Variants in PRKCB observed in about 807,000 individuals in gnomAD.
The protein encoded by PRKCB is protein kinase C beta.
Under a neutral mutation model 81.5 loss-of-function variants are expected in PRKCB, and 13 were observed. The ratio of observed to expected loss-of-function variants is 0.16; its 90% confidence interval spans 0.10 to 0.25. The LOEUF (loss-of-function observed/expected upper bound fraction) is 0.25, where lower values mean the gene tolerates loss of function less well. PRKCB is among the 10% of genes least tolerant of loss of function. The pLI, the probability that PRKCB is intolerant of heterozygous loss-of-function variation, is 1.00. For missense variants in PRKCB, 509 were observed against 875.7 expected (o/e 0.58, Z 5.29); for synonymous variants, 335 against 321.4 (o/e 1.04, Z -0.45).
intron 3 of PRKCB, among the ~76,000 whole-genome samples, chr16:24,003,344 G>A (rs139926340): frequency 3.6e-4 from 54 of 151,392 alleles, no homozygotes; most frequent in African/African-American, 1.2e-3. Context: ...CCCATGGAAA[G>A]ATGGCAACCC....
At chr16:24,056,148 A>T (rs1965900368) in intron 5 of PRKCB, among the ~76,000 whole-genome samples, 1 of 152,220 alleles carries the variant, frequency 6.6e-6, no homozygotes, top group African/African-American at 2.4e-5. Context: ...GCCTTGCAGT[A>T]AGTGCACATC....
intron 2 of PRKCB, among the ~76,000 whole-genome samples, chr16:23,983,104 G>T (rs1281202921): frequency 6.8e-6 from 1 of 147,314 alleles, no homozygotes. Flanking sequence ...AGTAAATGTT[G>T]CCTCTTCTTA....
At chr16:23,848,410 G>A (rs553256426) in intron 2 of PRKCB, among the ~76,000 whole-genome samples, 1 of 152,290 alleles carries the variant, frequency 6.6e-6, no homozygotes, top group South Asian at 2.1e-4. Flanking sequence ...GCACCTCGTG[G>A]CTGTTGCTAT....
At chr16:24,165,661 G>A (rs1386134817) in intron 10 of PRKCB, among the ~76,000 whole-genome samples, 4 of 152,116 alleles carry the variant, frequency 2.6e-5, no homozygotes, top group Admixed American at 2.6e-4. Context: ...ATGTACCAGA[G>A]CCAGACTGGA....
chr16:23,969,429 C>T (rs980184994), intron 2 of PRKCB, among the ~76,000 whole-genome samples: 3 of 152,116 alleles, frequency 2.0e-5, no homozygotes, highest in African/African-American at 4.8e-5. Context: ...TTGAGACTCA[C>T]GCATGCATGT....
At chr16:24,006,363 T>C (rs2141834196) in intron 3 of PRKCB, among the ~76,000 whole-genome samples, 1 of 152,348 alleles carries the variant, frequency 6.6e-6, no homozygotes, top group African/African-American at 2.4e-5. Flanking sequence ...GAGGTCCATC[T>C]GTGCAGGCTA....
rs572922406 is a variant in PRKCB, at chr16:24,162,615, A to AT, written c.1239+7764dup. On this transcript the variant is annotated intron_variant, in intron 10 of 16. Transcript: ENST00000643927. ...AGGCATGCACCACCAAGCCTGACTA[A>AT]TTTTTTAAAATTTTTTTGTAGAGAT... 3.2e-3 allele frequency among the ~76,000 whole-genome samples: 481 copies of AT among 149,694 alleles called. 2 individuals carry two copies. Among genetic ancestry groups the AT allele is most frequent in the African/African-American group, 0.011 (454 of 40,660 alleles).
chr16:23,966,380 G>A (rs751636070), intron 2 of PRKCB, among the ~76,000 whole-genome samples: 13 of 152,148 alleles, frequency 8.5e-5, no homozygotes, highest in Non-Finnish European at 1.3e-4. Context: ...TTTCTGGTGT[G>A]TAATCTTGGA....
At chr16:23,947,347 A>G (rs1410901385) in intron 2 of PRKCB, among the ~76,000 whole-genome samples, 1 of 152,218 alleles carries the variant, frequency 6.6e-6, no homozygotes, top group Non-Finnish European at 1.5e-5. Context: ...TGCTCAGTGC[A>G]ATATTAGTTT....
At chr16:23,947,989 T>C (rs376138325) in intron 2 of PRKCB, among the ~76,000 whole-genome samples, 23 of 149,542 alleles carry the variant, frequency 1.5e-4, no homozygotes, top group African/African-American at 4.9e-4. Context: ...CCCTTGCAGC[T>C]AGAGCACAGA....
Position 24,218,699 on chromosome 16 carries a change from G to A in PRKCB, c.*3883G>A. 2.0e-6 allele frequency: 2 copies of A among 985,464 alleles called. No homozygotes were observed. The highest frequency in any genetic ancestry group is 2.4e-6 in the Non-Finnish European group (2 of 829,940). The allele number at this position is 985,464 out of a possible 1,614,324, so 61.0% of individuals were successfully genotyped here. On this transcript the variant is annotated 3_prime_UTR_variant, in exon 17 of 17. Transcript: ENST00000643927. ...CATTAGGGGGCTAAACCTAAAGCCT[G>A]GGTGGTGATGGCTCAAACGCTAATG...
intron 5 of PRKCB, among the ~76,000 whole-genome samples, chr16:24,079,701 A>G (rs1168951385): frequency 1.3e-5 from 2 of 152,236 alleles, no homozygotes; most frequent in African/African-American, 4.8e-5. Flanking sequence ...TCTCTTTTCC[A>G]ACATCTAAGC....
chr16:23,977,938 A>G (rs944400305), intron 2 of PRKCB, among the ~76,000 whole-genome samples: 4 of 152,102 alleles, frequency 2.6e-5, no homozygotes, highest in African/African-American at 7.2e-5. Flanking sequence ...TCATTCATTC[A>G]TTCGCTCACA....
intron 2 of PRKCB, among the ~76,000 whole-genome samples, chr16:23,857,717 AGT>A (rs375171383): frequency 1.2e-4 from 18 of 149,408 alleles, no homozygotes; most frequent in East Asian, 2.0e-4. Context: ...AGAGAGAGAG[AGT>A]GTGTGTGTGT....
At chr16:23,889,715 C>T (rs1963261731) in intron 2 of PRKCB, among the ~76,000 whole-genome samples, 1 of 152,208 alleles carries the variant, frequency 6.6e-6, no homozygotes, top group African/African-American at 2.4e-5. Context: ...TATCAACTTG[C>T]TCCTGGAGAC....
chr16:23,843,053 A>G (rs1962294515), intron 2 of PRKCB, among the ~76,000 whole-genome samples: 1 of 152,224 alleles, frequency 6.6e-6, no homozygotes, highest in Admixed American at 6.5e-5. Flanking sequence ...TATTCACCCT[A>G]TCAAATATAA....
chr16:24,211,556 AC>A (rs1467081281), intron 16 of PRKCB, among the ~76,000 whole-genome samples: 1 of 142,040 alleles, frequency 7.0e-6, no homozygotes, highest in Non-Finnish European at 1.5e-5. Context: ...CTACAGACTC[AC>A]TTTTTTTTTT....
rs10562833 is a variant in PRKCB at position 23,905,059 on chromosome 16, TA to T, written c.205+67663del. ...TTTTTTTTCTTTTTTTTTTTTTTAA[TA>T]AAAAAAAAATAGCACAGCTCGGAGT... On this transcript the variant is annotated intron_variant, in intron 2 of 16. Transcript: ENST00000643927. Among the ~76,000 whole-genome samples the T allele has an allele frequency of 2.1e-3, 297 of 138,444 alleles. 3 individuals carry two copies. The highest frequency in any genetic ancestry group is 7.6e-3 in the African/African-American group (278 of 36,714). 90.8% of individuals were successfully genotyped at this position (138,444 alleles called of 152,430 possible).
intron 7 of PRKCB, among the ~76,000 whole-genome samples, chr16:24,109,522 A>G (rs2141915420): frequency 8.5e-6 from 1 of 118,194 alleles, no homozygotes; most frequent in South Asian, 2.7e-4. Context: ...GGCCGGGCAG[A>G]GACGCTCCTC....
Sources: allele counts gnomAD v4.1 joint callset (sites outside exome capture counted in the v4.1 genomes callset), GRCh38; gene constraint gnomAD v4.1.1; transcripts MANE v1.5; gene names NCBI Gene and HGNC (gene_info 2026-07-23, HGNC 2026-07-21).